ACAP2: variants seen among roughly 807,000 people sequenced by gnomAD.
The protein encoded by ACAP2 is ArfGAP with coiled-coil, ankyrin repeat and PH domains 2, also known as arf-GAP with coiled-coil, ANK repeat and PH domain-containing protein 2.
A neutral mutation model predicts 115.8 loss-of-function variants in ACAP2; 39 were observed. The ratio of observed to expected loss-of-function variants is 0.34; its 90% CI spans 0.26 to 0.44. ACAP2 has a LOEUF of 0.44. Ranked by LOEUF, ACAP2 falls within the 20% of genes least tolerant of loss-of-function variation. ACAP2 has a pLI of 1.00. For synonymous variants in ACAP2, 289 were observed against 315.8 expected, an observed-to-expected ratio of 0.92 and a Z score of 0.90; for missense variants, 662 against 927.6, an observed-to-expected ratio of 0.71 and a Z score of 3.72.
chr3:195,322,653 T>C (rs899258888), intron 9 of ACAP2, among the ~76,000 whole-genome samples: 15 of 152,200 alleles, frequency 9.9e-5, no homozygotes, highest in Non-Finnish European at 1.9e-4. Context: ...TATTTGACGC[T>C]ACAATTTATT....
rs528707028 is a variant in ACAP2, at chr3:195,409,663, G to T, written c.54-17516C>A. Among the ~76,000 whole-genome samples, 12 of 151,968 alleles carry T rather than the reference G, an allele frequency of 7.9e-5. No homozygotes were observed. In the East Asian group the frequency reaches 2.3e-3, roughly 29 times the overall value. On this transcript the variant is annotated intron_variant, in intron 1 of 22. Transcript: ENST00000326793. ...GGCTGAGGTGGGAGGATCACTTGAG[G>T]TCAGGAGTTCAAGACCAGCCTGGCC...
chr3:195,350,672 CAAGCAAAAAGATCAATA>C, intron 4 of ACAP2, among the ~76,000 whole-genome samples: 1 of 149,434 alleles, frequency 6.7e-6, no homozygotes, highest in East Asian at 2.0e-4. Context: ...AGAAAAAAGA[CAAGCAAAAAGATCAATA>C]AAGCAGAAAT....
intron 5 of ACAP2, among the ~76,000 whole-genome samples, chr3:195,343,130 C>T (rs1332624951): frequency 1.3e-5 from 2 of 151,914 alleles, no homozygotes; most frequent in African/African-American, 4.8e-5. Flanking sequence ...TGTATAAATC[C>T]TGATAAAGTC....
In ACAP2 at chr3:195,442,903, C is replaced by A; in HGVS notation, c.-56G>T. ...AAGCCGAGGGGGCCGCGGGAGCGGCCGCGCTGGGACGCAGACGGCTACGGC... is the reference window on the plus strand; with the variant it reads ...AAGCCGAGGGGGCCGCGGGAGCGGCAGCGCTGGGACGCAGACGGCTACGGC... On this transcript the variant is annotated 5_prime_UTR_variant, in exon 1 of 23. Coordinates refer to ENST00000326793, the MANE Select transcript of ACAP2 (RefSeq NM_012287.6). 6.9e-7 allele frequency: 1 copy of A among 1,453,838 alleles called. No individual in the cohort carries two copies. The highest frequency in any genetic ancestry group is 9.1e-7 in the Non-Finnish European group (1 of 1,093,702). 90.1% of individuals were successfully genotyped at this position (1,453,838 alleles called of 1,614,324 possible).
chr3:195,398,167 T>A (rs9826999), intron 1 of ACAP2, among the ~76,000 whole-genome samples: 42,016 of 151,876 alleles, frequency 0.28, 6,564 homozygotes, highest in East Asian at 0.71. Context: ...TATTTAAAAA[T>A]CCACTTGGTT....
chr3:195,365,841 ATTT>A (rs59855378), intron 4 of ACAP2, among the ~76,000 whole-genome samples: 5 of 138,246 alleles, frequency 3.6e-5, no homozygotes, highest in Non-Finnish European at 3.1e-5. Context: ...GCCTATAGTA[ATTT>A]TTTTTTTTTT....
In ACAP2 at chr3:195,370,600, T is replaced by A. The variant is rs560035145; in HGVS notation, c.285+10409A>T. 2.6e-5 allele frequency among the ~76,000 whole-genome samples: 4 copies of A among 152,320 alleles called. No homozygotes were observed. In the South Asian group the frequency reaches 8.3e-4, roughly 32 times the overall value. ...GACTCTCTTCTCTGTTCCACTGGTC[T>A]GTGTCTGTTTCTGCTCCAGTACTAT... On this transcript the variant is annotated intron_variant, in intron 4 of 22. Coordinates refer to ENST00000326793, the MANE Select transcript of ACAP2 (RefSeq NM_012287.6).
chr3:195,309,545 CAAA>C (rs199627783), intron 10 of ACAP2, among the ~76,000 whole-genome samples: 1 of 106,520 alleles, frequency 9.4e-6, no homozygotes. Flanking sequence ...GACTCCGTCT[CAAA>C]AAAAAAAAAA....
At chr3:195,367,144 T>G (rs1732784652) in intron 4 of ACAP2, among the ~76,000 whole-genome samples, 1 of 151,476 alleles carries the variant, frequency 6.6e-6, no homozygotes, top group Admixed American at 6.6e-5. Context: ...TTTTCAAATG[T>G]TAGAATACAT....
intron 4 of ACAP2, among the ~76,000 whole-genome samples, chr3:195,378,362 C>T (rs1440933442): frequency 1.3e-5 from 2 of 151,992 alleles, no homozygotes; most frequent in Non-Finnish European, 2.9e-5. Flanking sequence ...CGTGGTGGCA[C>T]GTCCCTATAG....
At chr3:195,309,428 C>T (rs1391382823) in intron 10 of ACAP2, among the ~76,000 whole-genome samples, 1 of 151,974 alleles carries the variant, frequency 6.6e-6, no homozygotes, top group Non-Finnish European at 1.5e-5. Context: ...TGCCTGTAAT[C>T]CCAGCTACTC....
rs749352761 is a variant in ACAP2 at position 195,377,138 on chromosome 3, C to CTTT, written c.285+3868_285+3870dup. ...CATTTTACAGAGGAGGAATGTAAAT[C>CTTT]TTTTTTTTTTTTTTTTTTTTTTTGG... is the stretch of plus-strand genomic sequence containing the variant. On this transcript the variant is annotated intron_variant, in intron 4 of 22. Coordinates refer to ENST00000326793, the MANE Select transcript of ACAP2 (RefSeq NM_012287.6). Among the ~76,000 whole-genome samples, 384 of 77,072 alleles carry CTTT rather than the reference C, an allele frequency of 5.0e-3. 21 individuals are homozygous for CTTT. Among genetic ancestry groups the CTTT allele is most frequent in the African/African-American group, 0.018 (344 of 18,876 alleles). The allele number at this position is 77,072 out of a possible 152,430, so 50.6% of individuals were successfully genotyped here.
intron 1 of ACAP2, among the ~76,000 whole-genome samples, chr3:195,425,159 A>G (rs1466480771): frequency 1.3e-5 from 2 of 152,118 alleles, no homozygotes; most frequent in East Asian, 3.9e-4. Context: ...GTGAAATTAA[A>G]TATAACATTT....
In ACAP2 at chr3:195,389,214, C is replaced by T. The variant is rs79872853; in HGVS notation, c.111+2876G>A. Among the ~76,000 whole-genome samples the T allele has an allele frequency of 9.9e-4, 150 of 152,000 alleles. 2 individuals carry two copies. In the East Asian group the frequency reaches 0.028, roughly 28 times the overall value. On this transcript the variant is annotated intron_variant, in intron 2 of 22. Transcript: ENST00000326793. ...GCTTATAGTTCTTAGCACTCAATGTCGATACTTCAATAACTTGTTTCAGAT... is the reference window on the plus strand; with the variant it reads ...GCTTATAGTTCTTAGCACTCAATGTTGATACTTCAATAACTTGTTTCAGAT...
At chr3:195,401,058 T>C (rs2108791214) in intron 1 of ACAP2, among the ~76,000 whole-genome samples, 1 of 152,312 alleles carries the variant, frequency 6.6e-6, no homozygotes, top group South Asian at 2.1e-4. Context: ...ATTAACTACA[T>C]TATAATCAGA....
chr3:195,301,757 G>A, intron 14 of ACAP2, 113 bp from the exon 15 acceptor site: 1 of 1,149,984 alleles, frequency 8.7e-7, no homozygotes, highest in Non-Finnish European at 1.3e-6. Context: ...ACACATATAG[G>A]CACAGATCTT....
intron 7 of ACAP2, chr3:195,336,580 T>C (rs1163504491): frequency 5.9e-6 from 1 of 168,560 alleles, no homozygotes; most frequent in African/African-American, 2.4e-5. Context: ...AAACAAATTC[T>C]GAAATATTCT....
chr3:195,348,274 G>C (rs1410319442), intron 4 of ACAP2, among the ~76,000 whole-genome samples: 1 of 151,410 alleles, frequency 6.6e-6, no homozygotes, highest in Admixed American at 6.6e-5. Context: ...ATATCAGAAA[G>C]AAATGGCACA....
At chr3:195,362,183 G>C (rs1160258868) in intron 4 of ACAP2, among the ~76,000 whole-genome samples, 2 of 152,058 alleles carry the variant, frequency 1.3e-5, no homozygotes, top group African/African-American at 4.8e-5. Flanking sequence ...AGGCGTGGTG[G>C]CACTTGCCTG....
Sources: gnomAD v4.1 joint callset for allele counts (sites outside exome capture counted in the v4.1 genomes callset) on GRCh38, gnomAD v4.1.1 for gene constraint, MANE v1.5 for transcripts, NCBI Gene and HGNC (gene_info 2026-07-23, HGNC 2026-07-21) for gene names.